CCDC192: variants seen among roughly 807,000 people sequenced by gnomAD.
The protein encoded by CCDC192 is coiled-coil domain containing 192, also known as coiled-coil domain-containing protein 192.
chr5:127,897,240 G>A (rs1752919335), intron 6 of CCDC192, among the ~76,000 whole-genome samples: 1 of 151,032 alleles, frequency 6.6e-6, no homozygotes, highest in Non-Finnish European at 1.5e-5. Context: ...TTTTACCTAA[G>A]GCAATTTTAA....
chr5:127,820,381 C>T (rs1036435631), intron 5 of CCDC192, among the ~76,000 whole-genome samples: 1 of 152,102 alleles, frequency 6.6e-6, no homozygotes, highest in Non-Finnish European at 1.5e-5. Context: ...CAGGAGTTCA[C>T]GACCAGCCTA....
chr5:127,821,191 T>C (rs1749273254), intron 5 of CCDC192, among the ~76,000 whole-genome samples: 1 of 152,242 alleles, frequency 6.6e-6, no homozygotes, highest in Non-Finnish European at 1.5e-5. Context: ...GTGGTTTAAA[T>C]GCATCCTTTC....
At chr5:127,871,787 G>T (rs900607168) in intron 5 of CCDC192, among the ~76,000 whole-genome samples, 10 of 152,192 alleles carry the variant, frequency 6.6e-5, no homozygotes, top group Admixed American at 6.5e-4. Flanking sequence ...GATACGAATA[G>T]ATATTTCCTT....
intron 6 of CCDC192, among the ~76,000 whole-genome samples, chr5:127,896,245 C>A (rs542752330): frequency 1.3e-5 from 2 of 152,078 alleles, no homozygotes; most frequent in African/African-American, 4.8e-5. Flanking sequence ...TAGAGACCAG[C>A]CTGGGCAACA....
chr5:127,908,304 A>G, intron 6 of CCDC192, among the ~76,000 whole-genome samples: 1 of 152,216 alleles, frequency 6.6e-6, no homozygotes, highest in East Asian at 1.9e-4. Flanking sequence ...GCTCTTTGAT[A>G]TGGGACAAAT....
chr5:127,785,194 T>C (rs938460625), intron 3 of CCDC192: 78 of 527,808 alleles, frequency 1.5e-4, no homozygotes, highest in Non-Finnish European at 2.3e-4. Context: ...AGACAACTGA[T>C]ATAACCATGT....
chr5:127,846,749 C>T (rs901368873), intron 5 of CCDC192, among the ~76,000 whole-genome samples: 30 of 139,234 alleles, frequency 2.2e-4, no homozygotes, highest in African/African-American at 7.8e-4. Flanking sequence ...GGATTACTGG[C>T]GTGAGCCACC....
chr5:127,737,332 G>A (rs1338052773), intron 2 of CCDC192, among the ~76,000 whole-genome samples: 1 of 152,120 alleles, frequency 6.6e-6, no homozygotes, highest in Non-Finnish European at 1.5e-5. Flanking sequence ...CATTTGCTGA[G>A]GAGAGCTTTA....
intron 2 of CCDC192, among the ~76,000 whole-genome samples, chr5:127,732,984 T>C (rs1752729657): frequency 2.6e-5 from 4 of 152,262 alleles, no homozygotes; most frequent in Admixed American, 1.3e-4. Context: ...ATCCTACACA[T>C]GTACCCTGGA....
At chr5:127,918,533 G>C (rs184258903) in intron 6 of CCDC192, among the ~76,000 whole-genome samples, 3 of 152,292 alleles carry the variant, frequency 2.0e-5, no homozygotes, top group African/African-American at 4.8e-5. Flanking sequence ...TGGGATGAAT[G>C]AATGTGTCCC....
chr5:127,830,339 G>C (rs1212748487), intron 5 of CCDC192, among the ~76,000 whole-genome samples: 1 of 152,188 alleles, frequency 6.6e-6, no homozygotes, highest in Non-Finnish European at 1.5e-5. Context: ...TAGTCTGTGA[G>C]GGCTGCCATA....
At chr5:127,783,602 T>C (rs965958661) in intron 3 of CCDC192, among the ~76,000 whole-genome samples, 1 of 152,172 alleles carries the variant, frequency 6.6e-6, no homozygotes, top group Admixed American at 6.5e-5. Flanking sequence ...TCTGTGGTCG[T>C]TGGGTGGAAT....
intron 2 of CCDC192, among the ~76,000 whole-genome samples, chr5:127,727,772 A>G (rs527616154): frequency 6.6e-6 from 1 of 152,324 alleles, no homozygotes; most frequent in Admixed American, 6.5e-5. Context: ...TTCTAACCCA[A>G]TGCAAAGAAG....
chr5:127,859,012 A>T (rs1184588201), intron 5 of CCDC192, among the ~76,000 whole-genome samples: 2 of 152,218 alleles, frequency 1.3e-5, no homozygotes, highest in Admixed American at 1.3e-4. Flanking sequence ...ATGAAGCTCT[A>T]CCTGGAACAT....
intron 3 of CCDC192, among the ~76,000 whole-genome samples, chr5:127,773,306 T>A (rs777016526): frequency 1.1e-4 from 16 of 152,206 alleles, no homozygotes; most frequent in Non-Finnish European, 2.2e-4. Context: ...TTAGAATTCA[T>A]CATTTTGAAA....
intron 2 of CCDC192, among the ~76,000 whole-genome samples, chr5:127,712,512 C>T (rs114065781): frequency 9.3e-4 from 141 of 152,310 alleles, no homozygotes; most frequent in African/African-American, 3.3e-3. Context: ...GTCTGAGATC[C>T]TCCAGAAACT....
intron 6 of CCDC192, among the ~76,000 whole-genome samples, chr5:127,915,255 T>C (rs1753486384): frequency 6.6e-6 from 1 of 152,196 alleles, no homozygotes; most frequent in Non-Finnish European, 1.5e-5. Context: ...ACTTTGTAGC[T>C]AAAAAGTGCT....
At chr5:127,856,357 C>T (rs1293460246) in intron 5 of CCDC192, among the ~76,000 whole-genome samples, 1 of 152,174 alleles carries the variant, frequency 6.6e-6, no homozygotes, top group African/African-American at 2.4e-5. Context: ...AACATTAGGA[C>T]CTTGCTTTGG....
chr5:127,727,533 AC>A (rs1269248529), intron 2 of CCDC192, among the ~76,000 whole-genome samples: 1 of 152,102 alleles, frequency 6.6e-6, no homozygotes, highest in Admixed American at 6.6e-5. Flanking sequence ...AACAGCGTCA[AC>A]AAAAAGTCCC....
Sources: gnomAD v4.1 joint callset for allele counts (sites outside exome capture counted in the v4.1 genomes callset) on GRCh38, gnomAD v4.1.1 for gene constraint, MANE v1.5 for transcripts, NCBI Gene and HGNC (gene_info 2026-07-23, HGNC 2026-07-21) for gene names.